SLC1A2: variants seen among roughly 807,000 people sequenced by gnomAD.
SLC1A2 encodes the protein excitatory amino acid transporter 2.
Under a neutral mutation model 48.8 loss-of-function variants are expected in SLC1A2, and 15 were observed. The ratio of observed to expected loss-of-function variants is 0.31; its 90% confidence interval spans 0.21 to 0.47. The LOEUF is 0.47. Ranked by LOEUF, SLC1A2 falls within the 20% of genes least tolerant of loss-of-function variation. The pLI is 0.99. For synonymous variants in SLC1A2, 279 were observed against 272.6 expected, an observed-to-expected ratio of 1.02 and a Z score of -0.23; for missense variants, 502 against 730.5, an observed-to-expected ratio of 0.69 and a Z score of 3.61.
chr11:35,400,977 G>C (rs766910270), intron 1 of SLC1A2, among the ~76,000 whole-genome samples: 4 of 152,160 alleles, frequency 2.6e-5, no homozygotes, highest in Admixed American at 2.6e-4. Context: ...GGTTCCAAAA[G>C]GCAGGACAAC....
intron 1 of SLC1A2, among the ~76,000 whole-genome samples, chr11:35,337,354 C>T (rs1200167705): frequency 1.3e-5 from 2 of 152,126 alleles, no homozygotes; most frequent in Non-Finnish European, 2.9e-5. Flanking sequence ...CAGTGAGTAA[C>T]TATTCATTGT....
At chr11:35,291,306 G>C (rs1215415083) in intron 7 of SLC1A2, 1 of 151,534 alleles carries the variant, frequency 6.6e-6, no homozygotes, top group Admixed American at 6.6e-5. Flanking sequence ...TTGTCACCCA[G>C]ACTAGAGTGC....
chr11:35,356,641 G>A (rs1853478358), intron 1 of SLC1A2, among the ~76,000 whole-genome samples: 1 of 152,206 alleles, frequency 6.6e-6, no homozygotes, highest in Admixed American at 6.5e-5. Flanking sequence ...TGAGGGTCTA[G>A]AATATTCCTT....
At chr11:35,333,923 C>A (rs1265608256) in intron 1 of SLC1A2, among the ~76,000 whole-genome samples, 1 of 150,982 alleles carries the variant, frequency 6.6e-6, no homozygotes, top group African/African-American at 2.4e-5. Context: ...AAGTAATCTA[C>A]CTGCCTTGGC....
intron 9 of SLC1A2, chr11:35,280,660 C>A: frequency 2.0e-6 from 1 of 510,396 alleles, no homozygotes. Context: ...CTGATTCCTC[C>A]ACTAGACTGT....
chr11:35,290,391 A>C (rs10768126), intron 7 of SLC1A2, among the ~76,000 whole-genome samples: 51,426 of 152,030 alleles, frequency 0.34, 9,718 homozygotes, highest in South Asian at 0.55. Context: ...AGTAAAGTCT[A>C]TTGCAATAGA....
chr11:35,265,654 C>T lies in SLC1A2; in HGVS notation c.1526G>A (p.Arg509Gln), dbSNP rs759379745. The T allele has an allele frequency of 7.4e-6, 12 of 1,613,168 alleles. No homozygotes were observed. The South Asian group carries it at 9.9e-5, about 13-fold the overall frequency. The change falls in exon 10 of 11, where the codon CGA (arginine) becomes CAA (glutamine). Residue 509 changes from arginine (R) to glutamine (Q), a missense_variant. Arg to Gln is a conservative substitution (Grantham distance 43). Transcript: ENST00000278379. ...GGTCATTTCAATATCTTCATGCACT[C>T]GATGCTGGGAGTCAATGGTATCCAG... Reference protein sequence around the residue: ...SELDTIDSQHRVHEDIEMTKT... With the variant: ...SELDTIDSQHQVHEDIEMTKT...
chr11:35,300,882 G>T (rs1183370345), intron 6 of SLC1A2, among the ~76,000 whole-genome samples: 1 of 152,056 alleles, frequency 6.6e-6, no homozygotes, highest in African/African-American at 2.4e-5. Context: ...AGCTGGGCAT[G>T]GTAGTGTGCA....
At chr11:35,269,967 C>T (rs1403421486) in intron 9 of SLC1A2, among the ~76,000 whole-genome samples, 9 of 151,854 alleles carry the variant, frequency 5.9e-5, no homozygotes, top group South Asian at 2.1e-4. Context: ...ATTAGCCAGG[C>T]GTGGTGGTGC....
At chr11:35,394,402 G>A (rs531693594) in intron 1 of SLC1A2, among the ~76,000 whole-genome samples, 9 of 152,236 alleles carry the variant, frequency 5.9e-5, no homozygotes, top group African/African-American at 1.9e-4. Flanking sequence ...TTGGCAGCCT[G>A]AGCCTGCTGG....
intron 1 of SLC1A2, among the ~76,000 whole-genome samples, chr11:35,354,358 T>C (rs1020806572): frequency 6.6e-6 from 1 of 151,984 alleles, no homozygotes; most frequent in Non-Finnish European, 1.5e-5. Context: ...TACCAGGAAG[T>C]CTGAGGTGGA....
At position 35,380,033 on chromosome 11, in the gene SLC1A2, C is replaced by T. The variant is rs147896911; in HGVS notation, c.17+38917G>A. Among the ~76,000 whole-genome samples the T allele has an allele frequency of 2.8e-4, 43 of 152,332 alleles. 1 individual carries two copies. Among genetic ancestry groups the T allele is most frequent in the African/African-American group, 9.6e-4 (40 of 41,574 alleles). Reference sequence around the variant, plus strand: ...TAAGCAGACACCTGATTGTCCCAGGCAATCTATAAAAGGTCATACCTGTTA... The same window carrying T: ...TAAGCAGACACCTGATTGTCCCAGGTAATCTATAAAAGGTCATACCTGTTA... On this transcript the variant is annotated intron_variant, in intron 1 of 10. Coordinates refer to ENST00000278379, the MANE Select transcript of SLC1A2 (RefSeq NM_004171.4).
chr11:35,318,545 T>C (rs1851956196), intron 1 of SLC1A2, among the ~76,000 whole-genome samples: 2 of 152,190 alleles, frequency 1.3e-5, no homozygotes, highest in South Asian at 2.1e-4. Flanking sequence ...AGTCTTGTCA[T>C]AGACTGGAGA....
At chr11:35,261,370 G>A (rs964195281) in intron 10 of SLC1A2, among the ~76,000 whole-genome samples, 1 of 152,136 alleles carries the variant, frequency 6.6e-6, no homozygotes, top group South Asian at 2.1e-4. Context: ...CATGTGAAAG[G>A]TTCAGTTGCA....
chr11:35,286,500 C>T (rs1850823465), intron 8 of SLC1A2: 1 of 305,912 alleles, frequency 3.3e-6, no homozygotes, highest in Non-Finnish European at 6.0e-6. Context: ...GCTTCCATCA[C>T]AGGATTGCTA....
chr11:35,418,181 C>A (rs183395128), intron 1 of SLC1A2, among the ~76,000 whole-genome samples: 1 of 152,286 alleles, frequency 6.6e-6, no homozygotes, highest in African/African-American at 2.4e-5. Flanking sequence ...CCCCTTCTGT[C>A]TCTTGCTAAA....
chr11:35,411,378 G>A (rs1855455287), intron 1 of SLC1A2, among the ~76,000 whole-genome samples: 1 of 152,070 alleles, frequency 6.6e-6, no homozygotes, highest in South Asian at 2.1e-4. Flanking sequence ...TGTTTAATTG[G>A]GTTTTGTTCA....
chr11:35,419,863 G>A (rs1205723517), upstream of SLC1A2: 4 of 442,232 alleles, frequency 9.0e-6, no homozygotes, highest in Non-Finnish European at 1.9e-5. This position sits in a 1 kb window ranked among gnomAD's most constrained non-coding sequence, Gnocchi z 5.4. Flanking sequence ...AGCCCCTGGC[G>A]CTCCCTCCTC....
At chr11:35,386,238 G>A (rs1854580558) in intron 1 of SLC1A2, among the ~76,000 whole-genome samples, 1 of 151,946 alleles carries the variant, frequency 6.6e-6, no homozygotes. Context: ...CCTTAACCAT[G>A]TTCCCTGCTA....
Sources: gnomAD v4.1 joint callset for allele counts (sites outside exome capture counted in the v4.1 genomes callset) on GRCh38, gnomAD v4.1.1 for gene constraint, Gnocchi (gnomAD v3.1) non-coding constraint, MANE v1.5 for transcripts, NCBI Gene and HGNC (gene_info 2026-07-23, HGNC 2026-07-21) for gene names.